TLL1: variants seen among roughly 807,000 people sequenced by gnomAD.
TLL1 encodes the protein tolloid-like protein 1.
Under a neutral mutation model 128.2 loss-of-function variants are expected in TLL1, and 49 were observed. The ratio of observed to expected loss-of-function variants is 0.38; its 90% CI spans 0.30 to 0.48. TLL1 has a LOEUF of 0.48. Ranked by LOEUF, TLL1 falls within the 20% of genes least tolerant of loss-of-function variation. The probability of loss-of-function intolerance (pLI) is 0.96; values close to 1 mark genes in which losing one functional copy is unlikely to be tolerated. For missense variants in TLL1, 1,123 were observed against 1,242.0 expected, an observed-to-expected ratio of 0.90 and a Z score of 1.44; for synonymous variants, 454 against 418.8, an observed-to-expected ratio of 1.08 and a Z score of -1.03.
Position 165,873,854 on chromosome 4 carries a change from G to T in TLL1, c.-51G>T, listed in dbSNP as rs369816406. The T allele has an allele frequency of 6.8e-6, 11 of 1,607,212 alleles. No individual in the cohort carries two copies. The highest frequency in any genetic ancestry group is 6.6e-5 in the South Asian group (6 of 90,802). ...AGCCCCGCACATCAGCGCGGACCGC[G>T]GCTGCCTAACCTCTGGGTCCCGTCC... is the stretch of plus-strand genomic sequence containing the variant. On this transcript the variant is annotated 5_prime_UTR_variant, in exon 1 of 21. Coordinates refer to ENST00000061240, the MANE Select transcript of TLL1 (RefSeq NM_012464.5).
chr4:165,876,473 G>A (rs1316127822), intron 1 of TLL1, among the ~76,000 whole-genome samples: 1 of 152,202 alleles, frequency 6.6e-6, no homozygotes, highest in African/African-American at 2.4e-5. Context: ...AGATTGGAGG[G>A]CATGGCCCAT....
intron 1 of TLL1, among the ~76,000 whole-genome samples, chr4:165,947,095 G>C (rs905924034): frequency 6.6e-6 from 1 of 152,242 alleles, no homozygotes; most frequent in Middle Eastern, 3.4e-3. Flanking sequence ...AGTTCTGGAG[G>C]CTGGGAAGTC....
chr4:165,916,259 T>C (rs113179455), intron 1 of TLL1, among the ~76,000 whole-genome samples: 4 of 152,382 alleles, frequency 2.6e-5, no homozygotes, highest in African/African-American at 9.6e-5. Context: ...ATTTTGCTTA[T>C]ACCTGTTTTG....
At chr4:166,019,196 C>CTAAACCT (rs1455573393) in intron 8 of TLL1, among the ~76,000 whole-genome samples, 1 of 152,150 alleles carries the variant, frequency 6.6e-6, no homozygotes, top group Admixed American at 6.5e-5. Context: ...AATCAACTAA[C>CTAAACCT]ACAGGCATAG....
chr4:165,979,089 G>A (rs1044659679), intron 1 of TLL1, among the ~76,000 whole-genome samples: 1 of 152,008 alleles, frequency 6.6e-6, no homozygotes, highest in African/African-American at 2.4e-5. Context: ...ATTATTACGT[G>A]GCTATTGCTG....
chr4:165,969,710 T>A (rs1348327160), intron 1 of TLL1, among the ~76,000 whole-genome samples: 1 of 152,140 alleles, frequency 6.6e-6, no homozygotes, highest in Non-Finnish European at 1.5e-5. Context: ...CCTTGAGGGA[T>A]CTGTAGCATT....
chr4:166,044,404 A>G (rs1739368356), intron 12 of TLL1: 3 of 1,535,482 alleles, frequency 2.0e-6, no homozygotes, highest in South Asian at 2.4e-5. Context: ...CAGTAAAGCC[A>G]GAGAATCTCT....
At chr4:165,942,519 C>T (rs60914462) in intron 1 of TLL1, among the ~76,000 whole-genome samples, 5,484 of 151,674 alleles carry the variant, frequency 0.036, 297 homozygotes, top group African/African-American at 0.12. Context: ...ATCACCAGAA[C>T]GTAATCTAAC....
chr4:166,050,953 T>G (rs1739694116), intron 12 of TLL1, among the ~76,000 whole-genome samples: 1 of 152,224 alleles, frequency 6.6e-6, no homozygotes, highest in Non-Finnish European at 1.5e-5. Context: ...TTGGCTCTAC[T>G]TCTGATATCA....
intron 1 of TLL1, among the ~76,000 whole-genome samples, chr4:165,901,064 C>T (rs1036692054): frequency 2.0e-5 from 3 of 151,866 alleles, no homozygotes; most frequent in Non-Finnish European, 2.9e-5. Context: ...ACGAAGTTCT[C>T]GTGCTGTGTT....
intron 2 of TLL1, among the ~76,000 whole-genome samples, chr4:165,991,647 A>G (rs150912785): frequency 1.8e-3 from 275 of 151,230 alleles, no homozygotes; most frequent in African/African-American, 6.4e-3. Flanking sequence ...AGAGGCTTAT[A>G]TAGCAATAGA....
At chr4:166,061,221 C>G (rs190916494) in intron 15 of TLL1, among the ~76,000 whole-genome samples, 19 of 150,236 alleles carry the variant, frequency 1.3e-4, no homozygotes, top group African/African-American at 4.6e-4. Flanking sequence ...TTTTTACTGC[C>G]TACTTTTCCT....
intron 1 of TLL1, among the ~76,000 whole-genome samples, chr4:165,920,666 A>G (rs1733003368): frequency 6.6e-6 from 1 of 152,198 alleles, no homozygotes; most frequent in Non-Finnish European, 1.5e-5. Flanking sequence ...AATAGAAAAT[A>G]TTACAATCCC....
chr4:165,958,643 T>G (rs1734934637), intron 1 of TLL1, among the ~76,000 whole-genome samples: 1 of 141,754 alleles, frequency 7.1e-6, no homozygotes, highest in Non-Finnish European at 1.5e-5. Flanking sequence ...TGCAAAAATT[T>G]TCTCCCATTT....
rs1400524984 is a variant in TLL1 at position 166,101,170 on chromosome 4, A to G, written c.*294A>G. On this transcript the variant is annotated 3_prime_UTR_variant, in exon 21 of 21. Coordinates refer to ENST00000061240, the MANE Select transcript of TLL1 (RefSeq NM_012464.5). ...GTTCACAGCTTGAAATAGATGCCTCACAATTCAGACAGTTTAATTCAGGAA... is the reference window on the plus strand; with the variant it reads ...GTTCACAGCTTGAAATAGATGCCTCGCAATTCAGACAGTTTAATTCAGGAA... 4 of 362,006 alleles carry G rather than the reference A, an allele frequency of 1.1e-5. No individual in the cohort carries two copies. Among genetic ancestry groups the G allele is most frequent in the Non-Finnish European group, 2.1e-5 (4 of 193,862 alleles). 22.4% of individuals were successfully genotyped at this position (362,006 alleles called of 1,614,324 possible).
At chr4:166,077,806 ATCTT>A in intron 17 of TLL1, 93 bp from the exon 18 acceptor site, 2 of 1,566,138 alleles carry the variant, frequency 1.3e-6, no homozygotes, top group Non-Finnish European at 1.8e-6. Context: ...ATTCAGGAAA[ATCTT>A]TCAACAGGGC....
rs188349639 is a variant in TLL1, at chr4:165,882,080, A to G, written c.169+8007A>G. Among the ~76,000 whole-genome samples the G allele has an allele frequency of 1.6e-3, 237 of 152,276 alleles. 1 individual carries two copies. Among genetic ancestry groups the G allele is most frequent in the Non-Finnish European group, 2.3e-3 (156 of 68,032 alleles). Reference sequence around the variant, plus strand: ...TGTGAATGCCTTTGAGAAAACAAATATGCTGTGTGAAGTTACTTAAATAAC... The same window carrying G: ...TGTGAATGCCTTTGAGAAAACAAATGTGCTGTGTGAAGTTACTTAAATAAC... On this transcript the variant is annotated intron_variant, in intron 1 of 20. Coordinates refer to ENST00000061240, the MANE Select transcript of TLL1 (RefSeq NM_012464.5).
At chr4:165,888,552 A>AT (rs1409184134) in intron 1 of TLL1, among the ~76,000 whole-genome samples, 22 of 149,730 alleles carry the variant, frequency 1.5e-4, no homozygotes, top group South Asian at 6.4e-4. Flanking sequence ...ACACTGGAAA[A>AT]TATTTTTTTT....
rs546643106 is a variant in TLL1 at position 166,001,223 on chromosome 4, A to G, written c.633-2168A>G. Among the ~76,000 whole-genome samples the G allele has an allele frequency of 1.9e-3, 283 of 152,298 alleles. 1 individual carries two copies. The highest frequency in any genetic ancestry group is 6.5e-3 in the African/African-American group (271 of 41,566). ...CAATGTCTGGTGCATCATGATCCCA[A>G]CTATTCAAAGCCGACCATTTAGTGC... is the stretch of plus-strand genomic sequence containing the variant. On this transcript the variant is annotated intron_variant, in intron 5 of 20. Transcript: ENST00000061240.
Sources: allele counts gnomAD v4.1 joint callset (sites outside exome capture counted in the v4.1 genomes callset), GRCh38; gene constraint gnomAD v4.1.1; transcripts MANE v1.5; gene names NCBI Gene and HGNC (gene_info 2026-07-23, HGNC 2026-07-21).